RHCG: variants seen among roughly 807,000 people sequenced by gnomAD.
RHCG encodes Rh family C glycoprotein.
A neutral mutation model predicts 55.3 loss-of-function variants in RHCG; 39 were observed. The ratio of observed to expected loss-of-function variants is 0.70; its 90% CI spans 0.55 to 0.92. The LOEUF (loss-of-function observed/expected upper bound fraction) is 0.92. Among genes scored for constraint, RHCG ranks in the 40% least tolerant of loss-of-function variants. RHCG has a pLI of 0.00. For synonymous variants in RHCG, 250 were observed against 246.8 expected (o/e 1.01, Z -0.12); for missense variants, 635 against 627.9 (o/e 1.01, Z -0.12).
At chr15:89,472,942 G>T in intron 9 of RHCG, 79 bp from the exon 10 acceptor site, 1 of 1,370,808 alleles carries the variant, frequency 7.3e-7, no homozygotes, top group Non-Finnish European at 9.5e-7. Flanking sequence ...ACCTGGAGCT[G>T]CAAATGGTGT....
chr15:89,489,770 G>T (rs1961440043), intron 1 of RHCG, among the ~76,000 whole-genome samples: 1 of 152,192 alleles, frequency 6.6e-6, no homozygotes, highest in South Asian at 2.1e-4. Context: ...TCATTAGAGA[G>T]GCCTTCCTGA....
intron 9 of RHCG, 65 bp downstream of exon 9, chr15:89,476,690 A>C: frequency 7.3e-7 from 1 of 1,370,664 alleles, no homozygotes. Flanking sequence ...AGCCCAGCTG[A>C]TGCAGTGGAG....
intron 9 of RHCG, among the ~76,000 whole-genome samples, chr15:89,475,202 T>TTTCC (rs1025244715): frequency 2.1e-5 from 2 of 96,074 alleles, no homozygotes; most frequent in East Asian, 3.0e-4. Flanking sequence ...TCCTTCCTTC[T>TTTCC]TTCCTTCCTT....
intron 9 of RHCG, among the ~76,000 whole-genome samples, chr15:89,474,796 TCCTG>T (rs1312212283): frequency 6.1e-5 from 8 of 130,252 alleles, no homozygotes; most frequent in African/African-American, 9.3e-5. Flanking sequence ...CTTCCTTCCT[TCCTG>T]CCTGCCTTCC....
Position 89,485,691 on chromosome 15 carries a change from CA to C in RHCG, c.371+1107del, listed in dbSNP as rs1382169997. Among the ~76,000 whole-genome samples, 4 of 151,858 alleles carry C rather than the reference CA, an allele frequency of 2.6e-5. No homozygotes were observed. In the East Asian group the frequency reaches 5.8e-4, roughly 22 times the overall value. On this transcript the variant is annotated intron_variant, in intron 2 of 10. Coordinates refer to ENST00000268122, the MANE Select transcript of RHCG (RefSeq NM_016321.3). ...TGAAGGATGGGAGAATGGAGGAAAA[CA>C]TTTTTTTTTCTTTAGCTGACCTTTT...
At chr15:89,485,178 T>C (rs1485483944) in intron 2 of RHCG, among the ~76,000 whole-genome samples, 1 of 151,126 alleles carries the variant, frequency 6.6e-6, no homozygotes, top group African/African-American at 2.5e-5. Context: ...CGGTTTGTAA[T>C]AATTCCCTTT....
Position 89,477,616 on chromosome 15 carries a change from CAT to C in RHCG, c.1011_1012del (p.Cys338TrpfsTer3), listed in dbSNP as rs1320278131. On this transcript the variant is annotated frameshift_variant, in exon 7 of 11. Coordinates refer to ENST00000268122, the MANE Select transcript of RHCG (RefSeq NM_016321.3). LOFTEE classifies it high-confidence loss of function. The surrounding 1 kb of genome is among the most constrained non-coding windows in gnomAD (Gnocchi z 4.5). ...AATGCCATGCAGATTGTTAATGCCA[CAT>C]GTGTCCTGGATGTGCAGCCGGGACT... The C allele has an allele frequency of 6.2e-7, 1 of 1,614,126 alleles. No homozygotes were observed. Among genetic ancestry groups the C allele is most frequent in the East Asian group, 2.2e-5 (1 of 44,870 alleles).
rs1409686809 is a variant in RHCG at position 89,472,568 on chromosome 15, C to T, written c.*24+143G>A. 1.3e-5 allele frequency: 10 copies of T among 753,536 alleles called. No individual in the cohort carries two copies. In the East Asian group the frequency reaches 2.9e-4, roughly 22 times the overall value. 46.7% of individuals were successfully genotyped at this position (753,536 alleles called of 1,614,324 possible). On this transcript the variant is annotated intron_variant, in intron 10 of 10. Coordinates refer to ENST00000268122, the MANE Select transcript of RHCG (RefSeq NM_016321.3). ...AGCTCCCCTGCCAACCCCATGTGCC[C>T]ACTGCACCTCAGGCAGGAGGGGTGG...
At chr15:89,496,327 T>C (rs1324310463) in intron 1 of RHCG, 34 bp downstream of exon 1, 4 of 1,610,584 alleles carry the variant, frequency 2.5e-6, no homozygotes, top group Middle Eastern at 1.7e-4. Context: ...GGCGCGGATA[T>C]GCCTCCGCTG....
chr15:89,483,833 G>A (rs901932339), intron 2 of RHCG, among the ~76,000 whole-genome samples: 2 of 152,220 alleles, frequency 1.3e-5, no homozygotes, highest in Non-Finnish European at 2.9e-5. Context: ...AAGGCCAGCA[G>A]GGAGGATGGA....
At chr15:89,481,651 A>T (rs1259219151) in intron 3 of RHCG, among the ~76,000 whole-genome samples, 1 of 152,190 alleles carries the variant, frequency 6.6e-6, no homozygotes, top group Admixed American at 6.5e-5. Flanking sequence ...GAGAGAGTAG[A>T]CAACATGTGG....
At position 89,477,788 on chromosome 15, in the gene RHCG, A is replaced by C. The variant is rs1042289527; in HGVS notation, c.975+49T>G. On this transcript the variant is annotated intron_variant, in intron 6 of 10. Coordinates refer to ENST00000268122, the MANE Select transcript of RHCG (RefSeq NM_016321.3). This position sits in a 1 kb window ranked among gnomAD's most constrained non-coding sequence, Gnocchi z 4.5. ...ACCCTCAGCTCACTGTCAGGAACAC[A>C]AAGACCTCAGCATTCTCTAGCCCCC... 3.1e-6 allele frequency: 5 copies of C among 1,610,786 alleles called. No homozygotes were observed. Among genetic ancestry groups the C allele is most frequent in the Non-Finnish European group, 2.5e-6 (3 of 1,177,916 alleles).
intron 1 of RHCG, among the ~76,000 whole-genome samples, chr15:89,494,513 G>A (rs117927521): frequency 6.6e-6 from 1 of 152,126 alleles, no homozygotes; most frequent in Admixed American, 6.5e-5. Flanking sequence ...GGGTGTGAAA[G>A]GTGGGTGGGC....
At chr15:89,486,103 A>C (rs114780928) in intron 2 of RHCG, among the ~76,000 whole-genome samples, 2 of 152,276 alleles carry the variant, frequency 1.3e-5, no homozygotes, top group African/African-American at 4.8e-5. Context: ...AGAAGTCATG[A>C]GAAGGATGGA....
Position 89,486,601 on chromosome 15 carries a change from T to A in RHCG, c.371+198A>T, listed in dbSNP as rs4988760. On this transcript the variant is annotated intron_variant, in intron 2 of 10. Coordinates refer to ENST00000268122, the MANE Select transcript of RHCG (RefSeq NM_016321.3). ...GAGAGAGAGAGAGAGAGAGAGAGAG[T>A]GTGTGTGTGTGTGTGTGTGTGTGTG... 2.5e-3 allele frequency: 881 copies of A among 353,716 alleles called. 2 individuals carry two copies. Among genetic ancestry groups the A allele is most frequent in the African/African-American group, 0.016 (462 of 29,340 alleles). The allele number at this position is 353,716 out of a possible 1,614,324, so 21.9% of individuals were successfully genotyped here. A position where few individuals can be genotyped will look rare whatever the true frequency, so the allele number is the denominator to read the frequency against.
chr15:89,491,367 A>G (rs557072002), intron 1 of RHCG, among the ~76,000 whole-genome samples: 1 of 152,222 alleles, frequency 6.6e-6, no homozygotes, highest in Admixed American at 6.5e-5. Flanking sequence ...CACCTCCCCA[A>G]TTTGTCCTCT....
intron 2 of RHCG, chr15:89,486,287 T>C: frequency 2.2e-6 from 1 of 456,142 alleles, no homozygotes; most frequent in Non-Finnish European, 4.4e-6. Flanking sequence ...TTGGCTGGAG[T>C]CCCCATTCGG....
chr15:89,476,005 T>C (rs1309253182), intron 9 of RHCG, among the ~76,000 whole-genome samples: 3 of 131,986 alleles, frequency 2.3e-5, no homozygotes, highest in African/African-American at 1.3e-4. Context: ...CTCTCTCTCT[T>C]GCTCTCGCTC....
intron 9 of RHCG, among the ~76,000 whole-genome samples, chr15:89,474,492 C>T (rs1961095013): frequency 6.6e-6 from 1 of 152,184 alleles, no homozygotes; most frequent in African/African-American, 2.4e-5. Flanking sequence ...GTGCAGGAGG[C>T]ATGAGGGGAG....
Sources: gnomAD v4.1 joint callset for allele counts (sites outside exome capture counted in the v4.1 genomes callset) on GRCh38, gnomAD v4.1.1 for gene constraint, Gnocchi (gnomAD v3.1) non-coding constraint, MANE v1.5 for transcripts, NCBI Gene and HGNC (gene_info 2026-07-23, HGNC 2026-07-21) for gene names.